SPATS2: variants seen among roughly 807,000 people sequenced by gnomAD.
The protein encoded by SPATS2 is spermatogenesis associated serine rich 2.
In SPATS2, 38 loss-of-function variants were observed where a neutral mutation model predicts 63.7. That is an observed-to-expected ratio of 0.60 (90% CI 0.46 to 0.78). The LOEUF (loss-of-function observed/expected upper bound fraction) is 0.78, where lower values mean the gene tolerates loss of function less well. Among genes scored for constraint, SPATS2 ranks in the 30% least tolerant of loss-of-function variants. SPATS2 has a pLI of 0.00. For synonymous variants in SPATS2, 207 were observed against 232.9 expected, an observed-to-expected ratio of 0.89 and a Z score of 1.01; for missense variants, 588 against 666.2, an observed-to-expected ratio of 0.88 and a Z score of 1.29.
chr12:49,415,152 G>A (rs1316168785), intron 2 of SPATS2, among the ~76,000 whole-genome samples: 4 of 151,356 alleles, frequency 2.6e-5, no homozygotes, highest in African/African-American at 9.7e-5. Context: ...GGCTGGTCTC[G>A]AACTCCTGAC....
intron 3 of SPATS2, among the ~76,000 whole-genome samples, chr12:49,471,806 A>G (rs1329853407): frequency 6.6e-6 from 1 of 152,154 alleles, no homozygotes; most frequent in African/African-American, 2.4e-5. Flanking sequence ...GGCAACCACC[A>G]TTCTACCTAC....
At chr12:49,500,599 C>T (rs1041853424) in intron 9 of SPATS2, among the ~76,000 whole-genome samples, 1 of 152,006 alleles carries the variant, frequency 6.6e-6, no homozygotes. Flanking sequence ...GGTGAAAACC[C>T]GTCTCTACTA....
chr12:49,523,398 GA>G (rs971431345), intron 12 of SPATS2, among the ~76,000 whole-genome samples: 5 of 151,436 alleles, frequency 3.3e-5, no homozygotes, highest in Admixed American at 1.3e-4. Context: ...GGGTGGGTGA[GA>G]GGGGGAAGAT....
At chr12:49,408,410 G>A (rs1426201743) in intron 2 of SPATS2, among the ~76,000 whole-genome samples, 1 of 151,846 alleles carries the variant, frequency 6.6e-6, no homozygotes, top group African/African-American at 2.4e-5. Flanking sequence ...CTACCACCAT[G>A]CCCGGCTAAT....
chr12:49,404,626 G>A (rs1408775014), intron 2 of SPATS2, among the ~76,000 whole-genome samples: 2 of 152,122 alleles, frequency 1.3e-5, no homozygotes, highest in Admixed American at 1.3e-4. Context: ...GCAGAAATTA[G>A]CCAAAGAGAA....
chr12:49,388,567 G>A (rs1017551987), intron 2 of SPATS2, among the ~76,000 whole-genome samples: 9 of 151,378 alleles, frequency 5.9e-5, no homozygotes, highest in African/African-American at 2.2e-4. Context: ...ATATATATGG[G>A]GTTTTACCAT....
At chr12:49,525,830 C>A in intron 13 of SPATS2, 114 bp from the exon 14 acceptor site, 1 of 1,154,236 alleles carries the variant, frequency 8.7e-7, no homozygotes, top group Non-Finnish European at 1.2e-6. Flanking sequence ...TGAGAGATAA[C>A]TGAGTCCCAA....
At chr12:49,497,743 C>T (rs1946488520) in intron 8 of SPATS2, among the ~76,000 whole-genome samples, 1 of 152,052 alleles carries the variant, frequency 6.6e-6, no homozygotes, top group African/African-American at 2.4e-5. Flanking sequence ...TAACTTCATG[C>T]TCTTACTGAG....
intron 9 of SPATS2, among the ~76,000 whole-genome samples, chr12:49,502,941 C>T (rs1946589205): frequency 6.6e-6 from 1 of 152,216 alleles, no homozygotes; most frequent in African/African-American, 2.4e-5. Flanking sequence ...AAATTAAGGT[C>T]TAACTTCTGG....
intron 2 of SPATS2, among the ~76,000 whole-genome samples, chr12:49,413,445 G>A (rs1944833797): frequency 6.6e-6 from 1 of 151,722 alleles, no homozygotes; most frequent in Non-Finnish European, 1.5e-5. Flanking sequence ...GGCTGTCCTG[G>A]AACTCCTGGG....
At chr12:49,509,079 A>G (rs908940696) in intron 9 of SPATS2, among the ~76,000 whole-genome samples, 2 of 151,776 alleles carry the variant, frequency 1.3e-5, no homozygotes, top group African/African-American at 2.4e-5. Context: ...AACTTGAACA[A>G]CATACTCCTT....
chr12:49,510,188 A>G (rs1413174074), intron 9 of SPATS2, among the ~76,000 whole-genome samples: 8 of 150,980 alleles, frequency 5.3e-5, no homozygotes. Flanking sequence ...GCTTGAGCCC[A>G]GGAGGTCAAG....
intron 3 of SPATS2, 43 bp downstream of exon 3, chr12:49,461,080 A>G (rs1440907899): frequency 6.3e-7 from 1 of 1,599,588 alleles, no homozygotes; most frequent in South Asian, 1.1e-5. Context: ...GCATAGTTAT[A>G]ATGATCCCCA....
At chr12:49,448,895 C>T (rs570881878) in intron 2 of SPATS2, among the ~76,000 whole-genome samples, 1 of 152,250 alleles carries the variant, frequency 6.6e-6, no homozygotes, top group African/African-American at 2.4e-5. Flanking sequence ...AACAAGCTTT[C>T]TCTATAAAGG....
chr12:49,439,632 T>G (rs1945380778), intron 2 of SPATS2, among the ~76,000 whole-genome samples: 1 of 152,214 alleles, frequency 6.6e-6, no homozygotes, highest in Non-Finnish European at 1.5e-5. Context: ...TACCACATAC[T>G]GAGAAGGTGA....
intron 3 of SPATS2, among the ~76,000 whole-genome samples, chr12:49,482,697 A>C (rs1020994396): frequency 9.2e-5 from 14 of 152,324 alleles, no homozygotes; most frequent in Non-Finnish European, 5.9e-5. Flanking sequence ...TGCTTTATAT[A>C]TTTTTAATCA....
At chr12:49,427,877 C>T (rs1295225686) in intron 2 of SPATS2, among the ~76,000 whole-genome samples, 2 of 152,098 alleles carry the variant, frequency 1.3e-5, no homozygotes, top group Non-Finnish European at 2.9e-5. Flanking sequence ...TGCATTTTTA[C>T]CCCTTGATCA....
intron 3 of SPATS2, among the ~76,000 whole-genome samples, chr12:49,484,215 G>A (rs1311948882): frequency 6.6e-6 from 1 of 152,130 alleles, no homozygotes; most frequent in Non-Finnish European, 1.5e-5. Context: ...TGCTACAGAA[G>A]CTCCCATCCC....
intron 2 of SPATS2, among the ~76,000 whole-genome samples, chr12:49,405,192 A>G (rs1385070798): frequency 2.0e-5 from 3 of 152,144 alleles, no homozygotes; most frequent in Non-Finnish European, 4.4e-5. Flanking sequence ...TTCATTTTCT[A>G]TGTGCAGTCT....
Sources: allele counts gnomAD v4.1 joint callset (sites outside exome capture counted in the v4.1 genomes callset), GRCh38; gene constraint gnomAD v4.1.1; transcripts MANE v1.5; gene names NCBI Gene and HGNC (gene_info 2026-07-23, HGNC 2026-07-21).